The following CCDC191 variants were observed in gnomAD, a reference collection of about 807,000 sequenced individuals.
The protein encoded by CCDC191 is coiled-coil domain containing 191, also known as coiled-coil domain-containing protein 191.
Under a neutral mutation model 114.0 loss-of-function variants are expected in CCDC191, and 99 were observed. The observed-to-expected ratio is 0.87, with a 90% CI of 0.74 to 1.03. The LOEUF is 1.03. CCDC191 is among the 50% of genes least tolerant of loss of function. CCDC191 has a pLI of 0.00. For synonymous variants in CCDC191, 351 were observed against 376.0 expected (o/e 0.93, Z 0.77); for missense variants, 973 against 1,087.0 (o/e 0.90, Z 1.47).
At chr3:113,980,159 G>A (rs916493794) in intron 14 of CCDC191, among the ~76,000 whole-genome samples, 3 of 152,178 alleles carry the variant, frequency 2.0e-5, no homozygotes, top group African/African-American at 7.2e-5. Flanking sequence ...AGCTCTGACA[G>A]TTGCCAGGTG....
intron 13 of CCDC191, among the ~76,000 whole-genome samples, chr3:113,998,343 C>T (rs1028139546): frequency 7.1e-6 from 1 of 140,086 alleles, no homozygotes; most frequent in East Asian, 2.2e-4. Flanking sequence ...AACTATAAAA[C>T]AGCCTCAGGC....
chr3:114,001,549 C>T, intron 13 of CCDC191, 46 bp downstream of exon 13: 1 of 1,608,550 alleles, frequency 6.2e-7, no homozygotes. Flanking sequence ...GTATCACACA[C>T]AGCAAACCTC....
At chr3:114,005,356 T>C (rs751322455) in intron 10 of CCDC191, 152 bp downstream of exon 10, 2 of 692,898 alleles carry the variant, frequency 2.9e-6, no homozygotes, top group Non-Finnish European at 4.8e-6. Context: ...GCCTGTCATA[T>C]ACTAGTCATA....
chr3:113,996,202 G>A (rs533758363), intron 13 of CCDC191, among the ~76,000 whole-genome samples: 1 of 152,206 alleles, frequency 6.6e-6, no homozygotes, highest in South Asian at 2.1e-4. Context: ...TGTCCTGAAT[G>A]GTATTGCCTA....
At chr3:113,970,483 T>C (rs951937187) in intron 16 of CCDC191, among the ~76,000 whole-genome samples, 56 of 152,228 alleles carry the variant, frequency 3.7e-4, no homozygotes, top group African/African-American at 1.3e-3. Flanking sequence ...TTTTTTCTCT[T>C]GTCTAACTGC....
At chr3:113,994,491 ATAAACT>A (rs2075663140) in intron 13 of CCDC191, among the ~76,000 whole-genome samples, 1 of 152,064 alleles carries the variant, frequency 6.6e-6, no homozygotes, top group African/African-American at 2.4e-5. Context: ...GCAATTACCT[ATAAACT>A]TAAACATTGA....
chr3:114,002,877 ATGTT>A (rs1357066862), intron 11 of CCDC191: 5 of 979,402 alleles, frequency 5.1e-6, no homozygotes, highest in Non-Finnish European at 6.1e-6. Flanking sequence ...ATTTGATTAT[ATGTT>A]TGATGAATGC....
chr3:114,005,117 TAAC>T (rs1198006712), intron 10 of CCDC191, among the ~76,000 whole-genome samples: 3 of 152,204 alleles, frequency 2.0e-5, no homozygotes, highest in Admixed American at 2.0e-4. Context: ...GTTTTATCCC[TAAC>T]AACTACAAAT....
At chr3:114,008,146 G>T in intron 9 of CCDC191, among the ~76,000 whole-genome samples, 2 of 136,610 alleles carry the variant, frequency 1.5e-5, no homozygotes, top group African/African-American at 2.7e-5. Flanking sequence ...TAATTTTTCT[G>T]TTTTGCACAG....
chr3:113,978,015 G>C (rs1223105570), intron 16 of CCDC191, among the ~76,000 whole-genome samples, 171 bp downstream of exon 16: 1 of 152,180 alleles, frequency 6.6e-6, no homozygotes, highest in Non-Finnish European at 1.5e-5. Context: ...GAACCCTGGA[G>C]TCCCAGGGGG....
intron 4 of CCDC191, among the ~76,000 whole-genome samples, chr3:114,042,211 G>C (rs929964558): frequency 1.3e-5 from 2 of 152,092 alleles, no homozygotes. Flanking sequence ...CTCCCTATCT[G>C]CAGATGCCAC....
intron 13 of CCDC191, among the ~76,000 whole-genome samples, chr3:113,982,603 T>TATAC: frequency 6.6e-6 from 1 of 152,086 alleles, no homozygotes; most frequent in East Asian, 1.9e-4. Context: ...TCAGCTAGTA[T>TATAC]GCTTTAGGAG....
chr3:114,039,012 A>G (rs1269011821), intron 4 of CCDC191, among the ~76,000 whole-genome samples: 1 of 152,158 alleles, frequency 6.6e-6, no homozygotes, highest in Non-Finnish European at 1.5e-5. Context: ...CATCCTGCAC[A>G]TGTACCCTGG....
At position 113,991,266 on chromosome 3, in the gene CCDC191, C is replaced by A. The variant is rs542848003; in HGVS notation, c.2163+10329G>T. Among the ~76,000 whole-genome samples the A allele has an allele frequency of 8.4e-5, 12 of 142,464 alleles. No individual in the cohort carries two copies. In the South Asian group the frequency reaches 9.4e-4, roughly 11 times the overall value. The allele number at this position is 142,464 out of a possible 152,430, so 93.5% of individuals were successfully genotyped here. ...AAAAGAAAAACAAACAAACCCCCCC[C>A]CCCAAAAACCAATTTCTTAACAAAA... On this transcript the variant is annotated intron_variant, in intron 13 of 16. Coordinates refer to ENST00000295878, the MANE Select transcript of CCDC191 (RefSeq NM_020817.2).
chr3:114,048,325 A>C (rs576495246), intron 2 of CCDC191, among the ~76,000 whole-genome samples: 1 of 152,356 alleles, frequency 6.6e-6, no homozygotes, highest in South Asian at 2.1e-4. Flanking sequence ...AATGAAAGCC[A>C]CATAATGTGT....
intron 13 of CCDC191, among the ~76,000 whole-genome samples, chr3:113,991,043 C>G (rs1433462202): frequency 1.3e-5 from 2 of 151,382 alleles, no homozygotes; most frequent in Non-Finnish European, 2.9e-5. Context: ...CAAGGCCAAC[C>G]TGGCCAACAT....
At chr3:113,980,586 G>T (rs991225622) in intron 14 of CCDC191, 64 bp downstream of exon 14, 34 of 1,431,980 alleles carry the variant, frequency 2.4e-5, no homozygotes, top group Admixed American at 5.5e-5. Flanking sequence ...AAGCTTAACT[G>T]GGCATCCATC....
chr3:114,034,651 T>C (rs1236067243), intron 6 of CCDC191, among the ~76,000 whole-genome samples: 1 of 152,170 alleles, frequency 6.6e-6, no homozygotes, highest in African/African-American at 2.4e-5. Flanking sequence ...TGGAGTATTA[T>C]ACACATCCCA....
In CCDC191 at chr3:113,970,241, G is replaced by GT. The variant is rs1480633446; in HGVS notation, c.2607-4883dup. On this transcript the variant is annotated intron_variant, in intron 16 of 16. Transcript: ENST00000295878. ...CTGAATTTGTTTGTCAGATCTAACA[G>GT]TTTTTTTTGGTGGAGTCTTTAGGTT... Among the ~76,000 whole-genome samples, 7 of 152,022 alleles carry GT rather than the reference G, an allele frequency of 4.6e-5. No homozygotes were observed. In the South Asian group the frequency reaches 1.2e-3, roughly 27 times the overall value.
Sources: gnomAD v4.1 joint callset for allele counts (sites outside exome capture counted in the v4.1 genomes callset) on GRCh38, gnomAD v4.1.1 for gene constraint, MANE v1.5 for transcripts, NCBI Gene and HGNC (gene_info 2026-07-23, HGNC 2026-07-21) for gene names.